Variants in SCPEP1 observed in about 807,000 individuals in gnomAD.
SCPEP1 encodes serine carboxypeptidase 1.
A neutral mutation model predicts 63.8 loss-of-function variants in SCPEP1; 51 were observed. The observed-to-expected ratio is 0.80, with a 90% CI of 0.64 to 1.01. The LOEUF (loss-of-function observed/expected upper bound fraction) is 1.01. Ranked by LOEUF, SCPEP1 falls within the 50% of genes least tolerant of loss-of-function variation. SCPEP1 has a pLI of 0.00. For synonymous variants in SCPEP1, 204 were observed against 207.8 expected (o/e 0.98, Z 0.16); for missense variants, 499 against 554.9 (o/e 0.90, Z 1.01).
chr17:56,991,394 A>C (rs911420158), intron 6 of SCPEP1, among the ~76,000 whole-genome samples: 1 of 152,162 alleles, frequency 6.6e-6, no homozygotes, highest in South Asian at 2.1e-4. Context: ...AAAAGGATCA[A>C]ATTTTACAAT....
chr17:56,988,087 T>C (rs866491094), intron 4 of SCPEP1, 129 bp from the exon 5 acceptor site: 3 of 782,680 alleles, frequency 3.8e-6, no homozygotes, highest in Middle Eastern at 3.0e-4. Flanking sequence ...AGATATGGAG[T>C]GGTGGGGGAG....
At position 57,006,361 on chromosome 17, in the gene SCPEP1, C is replaced by A. The variant is rs1567871866; in HGVS notation, c.*126C>A. ...GGGGCTGTGATCAAGAAGGTTCTGA[C>A]CAGCTTCTGCAGAGGATAAAATCAT... On this transcript the variant is annotated 3_prime_UTR_variant, in exon 13 of 13. Transcript: ENST00000262288. The A allele has an allele frequency of 1.2e-5, 7 of 577,756 alleles. No homozygotes were observed. The East Asian group carries it at 1.2e-4, about 10-fold the overall frequency. 35.8% of individuals were successfully genotyped at this position (577,756 alleles called of 1,614,324 possible). A position where few individuals can be genotyped will look rare whatever the true frequency, so the allele number is the denominator to read the frequency against.
At chr17:56,993,973 C>T (rs947399626) in intron 6 of SCPEP1, among the ~76,000 whole-genome samples, 34 of 152,178 alleles carry the variant, frequency 2.2e-4, no homozygotes, top group African/African-American at 6.0e-4. Flanking sequence ...AGGTTAAGCC[C>T]GGGAGGTGAT....
chr17:56,995,832 G>GA (rs1332845404), intron 8 of SCPEP1, 197 bp downstream of exon 8: 1 of 386,236 alleles, frequency 2.6e-6, no homozygotes, highest in Non-Finnish European at 4.4e-6. Context: ...AGCCACCCAG[G>GA]CCTGCAAGAC....
At chr17:56,996,243 C>T (rs950335153) in intron 8 of SCPEP1, among the ~76,000 whole-genome samples, 1 of 151,998 alleles carries the variant, frequency 6.6e-6, no homozygotes, top group African/African-American at 2.4e-5. Context: ...TTGAGACACT[C>T]GCCCAGGCTG....
At chr17:56,991,040 G>A (rs373230930) in intron 5 of SCPEP1, 59 bp from the exon 6 acceptor site, 3 of 1,248,422 alleles carry the variant, frequency 2.4e-6, no homozygotes, top group African/African-American at 1.5e-5. Flanking sequence ...CCAAAGTGTT[G>A]GGATTACTGC....
chr17:56,979,655 T>G (rs1230626188), intron 1 of SCPEP1, among the ~76,000 whole-genome samples: 4 of 152,250 alleles, frequency 2.6e-5, no homozygotes, highest in South Asian at 2.1e-4. Flanking sequence ...GATACGTATA[T>G]TAAACACACA....
chr17:56,998,346 TC>T (rs1567868921), intron 9 of SCPEP1, 38 bp from the exon 10 acceptor site: 1 of 1,411,478 alleles, frequency 7.1e-7, no homozygotes, highest in Admixed American at 1.7e-5. Context: ...TGGCCTTACT[TC>T]CAGCCCTTTG....
intron 5 of SCPEP1, among the ~76,000 whole-genome samples, chr17:56,988,925 G>A (rs928787871): frequency 6.6e-6 from 1 of 152,002 alleles, no homozygotes; most frequent in Non-Finnish European, 1.5e-5. Context: ...AGTGGCCCAC[G>A]CCTATAATCC....
chr17:56,995,436 C>A, intron 7 of SCPEP1, 71 bp from the exon 8 acceptor site: 1 of 1,539,332 alleles, frequency 6.5e-7, no homozygotes, highest in Non-Finnish European at 8.8e-7. Flanking sequence ...CCTACCCCTC[C>A]CTAACTGCAG....
rs1259319680 is a variant in SCPEP1 at position 56,985,080 on chromosome 17, G to T, written c.226-298G>T. On this transcript the variant is annotated intron_variant, in intron 2 of 12. Coordinates refer to ENST00000262288, the MANE Select transcript of SCPEP1 (RefSeq NM_021626.3). ...AGATTGCACCACTGCACTCCAACCT[G>T]GGTGACAAAGTTAGACTCTGTCTGA... is the stretch of plus-strand genomic sequence containing the variant. 10 of 381,602 alleles carry T rather than the reference G, an allele frequency of 2.6e-5. No individual in the cohort carries two copies. In the East Asian group the frequency reaches 5.7e-4, roughly 22 times the overall value. 23.6% of individuals were successfully genotyped at this position (381,602 alleles called of 1,614,324 possible).
At chr17:56,993,642 T>C (rs1426924824) in intron 6 of SCPEP1, among the ~76,000 whole-genome samples, 2 of 152,212 alleles carry the variant, frequency 1.3e-5, no homozygotes, top group Admixed American at 1.3e-4. Flanking sequence ...AGATGGGGTT[T>C]CACCATGTTG....
At chr17:56,989,808 A>G (rs1448745427) in intron 5 of SCPEP1, among the ~76,000 whole-genome samples, 6 of 152,140 alleles carry the variant, frequency 3.9e-5, no homozygotes, top group African/African-American at 7.2e-5. Flanking sequence ...TTAGCTGGGC[A>G]TGGTAGTGCA....
At chr17:56,995,908 A>G in intron 8 of SCPEP1, 1 of 201,720 alleles carries the variant, frequency 5.0e-6, no homozygotes, top group East Asian at 1.1e-4. Context: ...TGTCTTGCAG[A>G]GGTGAGTGTG....
Position 56,996,965 on chromosome 17 carries a change from A to G in SCPEP1, c.790A>G (p.Thr264Ala). 2 of 1,597,780 alleles carry G rather than the reference A, an allele frequency of 1.3e-6. No individual in the cohort carries two copies. The highest frequency in any genetic ancestry group is 1.1e-5 in the South Asian group (1 of 87,892). Residue 264 changes from threonine (T) to alanine (A), a missense_variant, in exon 9 of 13, where the codon ACA (threonine) becomes GCA (alanine). Thr to Ala is a moderately conservative substitution (Grantham distance 58). Transcript: ENST00000262288. The stretch of plus-strand genomic sequence containing the variant: ...CAAATAAACTTTTATATTTCAGAAC[A>G]CAGATGGGGTGAACTTCTATAACAT... ...GKAEMIIEQN[T>A]DGVNFYNILT...
chr17:57,003,546 A>G (rs1911803763), intron 12 of SCPEP1, among the ~76,000 whole-genome samples: 1 of 152,174 alleles, frequency 6.6e-6, no homozygotes, highest in Non-Finnish European at 1.5e-5. Flanking sequence ...GTGGTTTGCG[A>G]TGGAGGGAAT....
chr17:57,003,353 C>G (rs1911797762), intron 12 of SCPEP1, among the ~76,000 whole-genome samples: 1 of 152,088 alleles, frequency 6.6e-6, no homozygotes, highest in African/African-American at 2.4e-5. Flanking sequence ...ACCATTCTAG[C>G]AGTAGAGGGC....
chr17:56,980,991 C>A, intron 1 of SCPEP1, 91 bp from the exon 2 acceptor site: 1 of 1,427,116 alleles, frequency 7.0e-7, no homozygotes, highest in African/African-American at 1.4e-5. Context: ...AACAAATCAT[C>A]TCTAGCCTAG....
chr17:56,987,713 CTAT>C lies in SCPEP1; in HGVS notation c.336_338del (p.Phe113del). Reference sequence around the variant, plus strand: ...TACATAGCTCCAGGCTGCCAGTCTCCTATTTGTGGATAATCCCGTGGGCACTGG... The same window carrying C: ...TACATAGCTCCAGGCTGCCAGTCTCCTTGTGGATAATCCCGTGGGCACTGG... On this transcript the variant is annotated inframe_deletion, in exon 4 of 13. Transcript: ENST00000262288. 2 of 1,613,860 alleles carry C rather than the reference CTAT, an allele frequency of 1.2e-6. No homozygotes were observed. The highest frequency in any genetic ancestry group is 1.7e-6 in the Non-Finnish European group (2 of 1,179,946).
Sources: allele counts gnomAD v4.1 joint callset (sites outside exome capture counted in the v4.1 genomes callset), GRCh38; gene constraint gnomAD v4.1.1; transcripts MANE v1.5; gene names NCBI Gene and HGNC (gene_info 2026-07-23, HGNC 2026-07-21).